Variants in EIF3F observed in about 807,000 individuals in gnomAD.
EIF3F encodes deubiquitinating enzyme eIF3f.
In EIF3F, 8 loss-of-function variants were observed where a neutral mutation model predicts 36.0. The ratio of observed to expected loss-of-function variants is 0.22; its 90% CI spans 0.13 to 0.40. The LOEUF (loss-of-function observed/expected upper bound fraction) is 0.40, where lower values mean the gene tolerates loss of function less well. Among genes scored for constraint, EIF3F ranks in the 10% least tolerant of loss-of-function variants. EIF3F has a pLI of 1.00. For synonymous variants in EIF3F, 184 were observed against 188.5 expected (o/e 0.98, Z 0.19); for missense variants, 430 against 467.6 (o/e 0.92, Z 0.74).
intron 1 of EIF3F, among the ~76,000 whole-genome samples, chr11:7,988,366 T>G (rs1234305656): frequency 6.6e-6 from 1 of 152,226 alleles, no homozygotes; most frequent in Non-Finnish European, 1.5e-5. Flanking sequence ...GAAACCCTGT[T>G]CCCCCATTTT....
At chr11:7,989,308 T>G (rs1942063619) in intron 1 of EIF3F, among the ~76,000 whole-genome samples, 1 of 152,238 alleles carries the variant, frequency 6.6e-6, no homozygotes, top group African/African-American at 2.4e-5. Context: ...AAGAAACTAA[T>G]TCATTACCCA....
In EIF3F at chr11:7,987,571, A is replaced by G. The variant is rs867328795; in HGVS notation, c.219A>G (p.Pro73=). The change falls in exon 1 of 8, where the codon CCA becomes CCG. Residue 73 remains proline, a synonymous_variant. Transcript: ENST00000651655. ...PASAQAPAQT[P]APALPGPALP... Reference sequence around the variant, plus strand: ...CAGCGCAAGCTCCAGCGCAGACCCCAGCGCCCGCTCTGCCTGGTCCTGCTC... The same window carrying G: ...CAGCGCAAGCTCCAGCGCAGACCCCGGCGCCCGCTCTGCCTGGTCCTGCTC... 1.3e-6 allele frequency: 2 copies of G among 1,597,728 alleles called. No homozygotes were observed. The highest frequency in any genetic ancestry group is 2.7e-5 in the African/African-American group (2 of 74,048).
At position 7,997,754 on chromosome 11, in the gene EIF3F, T is replaced by A. The variant is rs973177779; in HGVS notation, c.*1732T>A. On this transcript the variant is annotated 3_prime_UTR_variant, in exon 8 of 8. Coordinates refer to ENST00000651655, the MANE Select transcript of EIF3F (RefSeq NM_003754.3). ...AAGTTCAAAAACAAGTGAAACTTGT[T>A]TAGACATGCGGTTGGCTGTCTGTAT... 1 of 152,218 alleles carries A rather than the reference T, an allele frequency of 6.6e-6. No homozygotes were observed. Among genetic ancestry groups the A allele is most frequent in the African/African-American group, 2.4e-5 (1 of 41,454 alleles). 9.4% of individuals were successfully genotyped at this position (152,218 alleles called of 1,614,324 possible). A position where few individuals can be genotyped will look rare whatever the true frequency, so the allele number is the denominator to read the frequency against.
At position 7,998,588 on chromosome 11, in the gene EIF3F, A is replaced by T. The variant is rs750311897; in HGVS notation, c.*2566A>T. 6.6e-6 allele frequency: 1 copy of T among 152,222 alleles called. No individual in the cohort carries two copies. The highest frequency in any genetic ancestry group is 1.5e-5 in the Non-Finnish European group (1 of 68,038). 9.4% of individuals were successfully genotyped at this position (152,222 alleles called of 1,614,324 possible). A position where few individuals can be genotyped will look rare whatever the true frequency, so the allele number is the denominator to read the frequency against. On this transcript the variant is annotated 3_prime_UTR_variant, in exon 8 of 8. Transcript: ENST00000651655. ...TTTTTCACATGCTGCATGTCCGCAAATGGCTGCAAAAGCCCAGCAAGTACT... is the reference window on the plus strand; with the variant it reads ...TTTTTCACATGCTGCATGTCCGCAATTGGCTGCAAAAGCCCAGCAAGTACT...
chr11:7,992,513 A>G, intron 3 of EIF3F: 1 of 420,774 alleles, frequency 2.4e-6, no homozygotes, highest in Non-Finnish European at 4.3e-6. Flanking sequence ...TTGAAGTTGC[A>G]GTGAGCTATG....
At chr11:7,990,900 T>TAAATAAATAAAA (rs1554914921) in intron 1 of EIF3F, among the ~76,000 whole-genome samples, 2,266 of 136,818 alleles carry the variant, frequency 0.017, 14 homozygotes, top group East Asian at 0.043. Flanking sequence ...AATAAATAAA[T>TAAATAAATAAAA]AAAAGAAATA....
intron 5 of EIF3F, 195 bp from the exon 6 acceptor site, chr11:7,994,787 G>C: frequency 2.5e-6 from 2 of 799,096 alleles, no homozygotes; most frequent in Non-Finnish European, 3.9e-6. Flanking sequence ...CAGGTAAAAG[G>C]AGTTGAGCTC....
chr11:7,999,308 A>G lies in EIF3F; in HGVS notation c.*3286A>G, dbSNP rs1195367040. The G allele has an allele frequency of 6.6e-6, 1 of 152,152 alleles. No individual in the cohort carries two copies. Among genetic ancestry groups the G allele is most frequent in the Non-Finnish European group, 1.5e-5 (1 of 68,022 alleles). The allele number at this position is 152,152 out of a possible 1,614,324, so 9.4% of individuals were successfully genotyped here. ...GGAGGAGGGTTTTTAAAAAATTAGTACTACCCAGTTGATACGGTGGAAGAA... is the reference window on the plus strand; with the variant it reads ...GGAGGAGGGTTTTTAAAAAATTAGTGCTACCCAGTTGATACGGTGGAAGAA... On this transcript the variant is annotated 3_prime_UTR_variant, in exon 8 of 8. Transcript: ENST00000651655.
rs1419366134 is a variant in EIF3F at position 7,995,974 on chromosome 11, C to A, written c.1026C>A (p.Asn342Lys). 1 of 1,613,910 alleles carries A rather than the reference C, an allele frequency of 6.2e-7. No individual in the cohort carries two copies. The highest frequency in any genetic ancestry group is 8.5e-7 in the Non-Finnish European group (1 of 1,179,834). Reference sequence around the variant, plus strand: ...TTTTGATGGTGACCTACCTGGCCAACCTCACACAGTCACAGATTGCACTCA... The same window carrying A: ...TTTTGATGGTGACCTACCTGGCCAAACTCACACAGTCACAGATTGCACTCA... The part of the protein sequence containing the change: ...NDLLMVTYLA[N>K]LTQSQIALNE... The change falls in exon 8 of 8, where the codon AAC becomes AAA. Residue 342 changes from asparagine to lysine, a missense_variant. Physicochemically the swap from Asn to Lys is moderately conservative, Grantham distance 94 (BLOSUM62 0). Transcript: ENST00000651655.
chr11:7,995,256 T>C lies in EIF3F; in HGVS notation c.885T>C (p.Ser295=), dbSNP rs1376787832. The stretch of plus-strand genomic sequence containing the variant: ...CGAGTCTTTGTTTTGGTACTCAGTC[T>C]GGAAAGGTGTCAGCTGACAATACTG... The part of the protein sequence containing the change: ...TVLQYAEDVL[S]GKVSADNTVG... The change falls in exon 7 of 8, where the codon TCT becomes TCC. Residue 295 remains serine (S), a splice_region_variant and synonymous_variant. Transcript: ENST00000651655. The C allele has an allele frequency of 6.2e-7, 1 of 1,613,718 alleles. No homozygotes were observed. Among genetic ancestry groups the C allele is most frequent in the Non-Finnish European group, 8.5e-7 (1 of 1,179,820 alleles).
intron 1 of EIF3F, among the ~76,000 whole-genome samples, chr11:7,991,325 G>C (rs117985941): frequency 0.014 from 2,175 of 152,316 alleles, 16 homozygotes; most frequent in East Asian, 0.028. Flanking sequence ...GACTGACCAT[G>C]GGACCAGATG....
intron 1 of EIF3F, among the ~76,000 whole-genome samples, chr11:7,989,160 A>G (rs1176242774): frequency 6.6e-6 from 1 of 152,174 alleles, no homozygotes; most frequent in Non-Finnish European, 1.5e-5. Context: ...AACCTTCCAC[A>G]GCATGATGGT....
chr11:7,987,420 C>G lies in EIF3F; in HGVS notation c.68C>G (p.Pro23Arg). 1 of 1,601,872 alleles carries G rather than the reference C, an allele frequency of 6.2e-7. No individual in the cohort carries two copies. The highest frequency in any genetic ancestry group is 8.5e-7 in the Non-Finnish European group (1 of 1,179,382). Residue 23 changes from proline to arginine, a missense_variant, in exon 1 of 8, where the codon CCA (proline) becomes CGA (arginine). Coordinates refer to ENST00000651655, the MANE Select transcript of EIF3F (RefSeq NM_003754.3). ...CCAACCCCAGTCCCGGCGGCGGCCC[C>G]AGCCTCAGTTCCAGCGCCAACGCCA... is the stretch of plus-strand genomic sequence containing the variant. ...ATPTPVPAAA[P>R]ASVPAPTPAP...
intron 3 of EIF3F, 100 bp downstream of exon 3, chr11:7,992,263 G>A: frequency 9.5e-7 from 1 of 1,052,452 alleles, no homozygotes; most frequent in African/African-American, 1.6e-5. Flanking sequence ...CCTTTTGGAG[G>A]CAAGAGTATT....
rs1015001058 is a variant in EIF3F, at chr11:7,999,636, A to G, written c.*3614A>G. 5.3e-5 allele frequency: 8 copies of G among 152,126 alleles called. No individual in the cohort carries two copies. Among genetic ancestry groups the G allele is most frequent in the Non-Finnish European group, 7.3e-5 (5 of 68,040 alleles). 9.4% of individuals were successfully genotyped at this position (152,126 alleles called of 1,614,324 possible). A position where few individuals can be genotyped will look rare whatever the true frequency, so the allele number is the denominator to read the frequency against. On this transcript the variant is annotated 3_prime_UTR_variant, in exon 8 of 8. Transcript: ENST00000651655. Reference sequence around the variant, plus strand: ...ATATGGTACTGGTCCATAAAAGAACATAAAACCAAATAGTTCAGTAGACTC... The same window carrying G: ...ATATGGTACTGGTCCATAAAAGAACGTAAAACCAAATAGTTCAGTAGACTC...
chr11:7,991,723 C>T lies in EIF3F; in HGVS notation c.365-58C>T, dbSNP rs1033229871. The T allele has an allele frequency of 7.8e-6, 12 of 1,538,706 alleles. No homozygotes were observed. In the Admixed American group the frequency reaches 1.2e-4, roughly 15 times the overall value. ...TCATCAAAAGCATTTCAAAAGTAGTCAGAGGTTGTTGGGAGCCCTAGGATT... is the reference window on the plus strand; with the variant it reads ...TCATCAAAAGCATTTCAAAAGTAGTTAGAGGTTGTTGGGAGCCCTAGGATT... On this transcript the variant is annotated intron_variant, in intron 1 of 7. Coordinates refer to ENST00000651655, the MANE Select transcript of EIF3F (RefSeq NM_003754.3).
Position 7,996,210 on chromosome 11 carries a change from G to GA in EIF3F, c.*192dup. 2 of 558,126 alleles carry GA rather than the reference G, an allele frequency of 3.6e-6. No homozygotes were observed. Among genetic ancestry groups the GA allele is most frequent in the East Asian group, 5.9e-5 (2 of 33,996 alleles). The allele number at this position is 558,126 out of a possible 1,614,324, so 34.6% of individuals were successfully genotyped here. ...GAGTTTATTGCCGGGTGGAAGGGAG[G>GA]AAAATGTTTTAGATCACACAGAAAC... On this transcript the variant is annotated 3_prime_UTR_variant, in exon 8 of 8. Transcript: ENST00000651655.
At position 7,992,979 on chromosome 11, in the gene EIF3F, A is replaced by G. The variant is rs1271531029; in HGVS notation, c.608A>G (p.Asp203Gly). 12 of 1,611,866 alleles carry G rather than the reference A, an allele frequency of 7.4e-6. No individual in the cohort carries two copies. Among genetic ancestry groups the G allele is most frequent in the Non-Finnish European group, 9.3e-6 (11 of 1,179,018 alleles). ...EAPNPIHLTVDTSLQNGRMSI... is the reference protein window; with the variant it reads ...EAPNPIHLTVGTSLQNGRMSI... ...CCCAACCCCATCCACCTCACTGTGGACACAAGTCTCCAGAACGGCCGCATG... is the reference window on the plus strand; with the variant it reads ...CCCAACCCCATCCACCTCACTGTGGGCACAAGTCTCCAGAACGGCCGCATG... Residue 203 changes from aspartate to glycine, a missense_variant, in exon 4 of 8, where the codon GAC becomes GGC. Asp to Gly is a moderately conservative substitution (Grantham distance 94). This residue lies in a region of EIF3F where 262 missense variants were observed against 347.4 expected (regional missense o/e 0.75). Coordinates refer to ENST00000651655, the MANE Select transcript of EIF3F (RefSeq NM_003754.3).
At chr11:7,994,926 TTC>T in intron 5 of EIF3F, 54 bp from the exon 6 acceptor site, 6 of 1,598,360 alleles carry the variant, frequency 3.8e-6, no homozygotes, top group East Asian at 2.2e-5. Flanking sequence ...GATGACTGAA[TTC>T]TCTCTCTTAC....
Sources: allele counts gnomAD v4.1 joint callset (sites outside exome capture counted in the v4.1 genomes callset), GRCh38; gene constraint gnomAD v4.1.1; regional missense constraint gnomAD v4.1.1; transcripts MANE v1.5; gene names NCBI Gene and HGNC (gene_info 2026-07-23, HGNC 2026-07-21).